Variants in TMEM123 observed in about 807,000 individuals in gnomAD.
The protein encoded by TMEM123 is porimin.
In TMEM123, 16 loss-of-function variants were observed where a neutral mutation model predicts 19.7. The ratio of observed to expected loss-of-function variants is 0.81; its 90% confidence interval spans 0.55 to 1.23. The LOEUF (loss-of-function observed/expected upper bound fraction) is 1.23, where lower values mean the gene tolerates loss of function less well. TMEM123 is among the 50% of genes most tolerant of loss of function. TMEM123 has a pLI of 0.00. For missense variants in TMEM123, 313 were observed against 257.8 expected (o/e 1.21, Z -1.47); for synonymous variants, 118 against 99.4 (o/e 1.19, Z -1.12).
intron 2 of TMEM123, among the ~76,000 whole-genome samples, chr11:102,435,455 T>C (rs936657364): frequency 6.6e-6 from 1 of 151,914 alleles, no homozygotes; most frequent in Non-Finnish European, 1.5e-5. Context: ...GGTGAGGATA[T>C]GAAGAAAATA....
At chr11:102,450,753 C>G (rs1027591307) in intron 1 of TMEM123, among the ~76,000 whole-genome samples, 10 of 152,168 alleles carry the variant, frequency 6.6e-5, no homozygotes, top group African/African-American at 2.2e-4. Flanking sequence ...AAAATGGGGA[C>G]GATACTGTGA....
intron 2 of TMEM123, among the ~76,000 whole-genome samples, chr11:102,439,732 A>T (rs1857804340): frequency 1.3e-5 from 2 of 152,242 alleles, no homozygotes; most frequent in Non-Finnish European, 2.9e-5. Flanking sequence ...GCTTCAGACG[A>T]TCGGTAATAA....
At chr11:102,434,667 T>C (rs572669293) in intron 2 of TMEM123, among the ~76,000 whole-genome samples, 1 of 152,022 alleles carries the variant, frequency 6.6e-6, no homozygotes, top group South Asian at 2.1e-4. Flanking sequence ...CAGACCAATG[T>C]TGTGTAGTTT....
At chr11:102,435,233 A>G (rs940825064) in intron 2 of TMEM123, among the ~76,000 whole-genome samples, 6 of 151,934 alleles carry the variant, frequency 3.9e-5, no homozygotes, top group African/African-American at 1.4e-4. Flanking sequence ...ATCACAAAAA[A>G]TAACAGACAC....
At chr11:102,408,246 G>A (rs538443069) in intron 2 of TMEM123, among the ~76,000 whole-genome samples, 34 of 152,276 alleles carry the variant, frequency 2.2e-4, no homozygotes, top group African/African-American at 7.7e-4. Flanking sequence ...AGTGAAAGAC[G>A]ACAAAGAATG....
intron 2 of TMEM123, among the ~76,000 whole-genome samples, chr11:102,444,671 T>C (rs915329360): frequency 5.3e-5 from 8 of 151,816 alleles, no homozygotes; most frequent in African/African-American, 1.5e-4. Context: ...ACATGTACCA[T>C]AGAACTTAAA....
rs781326307 is a variant in TMEM123, at chr11:102,452,584, G to A, written c.40C>T (p.Leu14=). The A allele has an allele frequency of 6.4e-7, 1 of 1,571,098 alleles. No individual in the cohort carries two copies. The highest frequency in any genetic ancestry group is 1.4e-5 in the African/African-American group (1 of 73,330). The part of the protein sequence containing the change: ...GARGAWAALL[L]GTLQVLALLG... ...AGCGCTAGCACCTGCAGCGTCCCCAGGAGCAGCGCGGCCCAAGCACCTCGC... is the reference window on the plus strand; with the variant it reads ...AGCGCTAGCACCTGCAGCGTCCCCAAGAGCAGCGCGGCCCAAGCACCTCGC... The change falls in exon 1 of 5, where the codon CTG becomes TTG. Residue 14 remains leucine (L), a synonymous_variant. Coordinates refer to ENST00000398136, the MANE Select transcript of TMEM123 (RefSeq NM_052932.3).
At chr11:102,433,701 C>T (rs1857735097) in intron 2 of TMEM123, among the ~76,000 whole-genome samples, 1 of 151,792 alleles carries the variant, frequency 6.6e-6, no homozygotes, top group Non-Finnish European at 1.5e-5. Context: ...CAAATTTCAT[C>T]TTGAATTGTA....
chr11:102,398,805 A>G lies in TMEM123; in HGVS notation c.*62T>C. On this transcript the variant is annotated 3_prime_UTR_variant, in exon 5 of 5. Coordinates refer to ENST00000398136, the MANE Select transcript of TMEM123 (RefSeq NM_052932.3). ...GAGAATATTGTTTTAAACTATTAAT[A>G]AACCAAAATTAATTGATAGGGCAGC... is the stretch of plus-strand genomic sequence containing the variant. 1 of 1,562,500 alleles carries G rather than the reference A, an allele frequency of 6.4e-7. No individual in the cohort carries two copies. The highest frequency in any genetic ancestry group is 8.7e-7 in the Non-Finnish European group (1 of 1,143,406).
chr11:102,445,895 G>A (rs1325169004), intron 2 of TMEM123, among the ~76,000 whole-genome samples: 8 of 152,222 alleles, frequency 5.3e-5, no homozygotes, highest in Non-Finnish European at 8.8e-5. Context: ...ACTAGGCCAA[G>A]GATGAATAAC....
chr11:102,404,718 G>T (rs1215636608), intron 2 of TMEM123, among the ~76,000 whole-genome samples: 1 of 152,020 alleles, frequency 6.6e-6, no homozygotes, highest in East Asian at 1.9e-4. Flanking sequence ...TCCTGCCTCA[G>T]CCTCCTTAGT....
chr11:102,447,190 G>C (rs1055515998), intron 2 of TMEM123, among the ~76,000 whole-genome samples: 26 of 152,324 alleles, frequency 1.7e-4, no homozygotes, highest in African/African-American at 6.0e-4. Flanking sequence ...CCCTGTGCTA[G>C]AAGGGGCATT....
chr11:102,401,976 T>C lies in TMEM123; in HGVS notation c.388A>G (p.Thr130Ala). The change falls in exon 3 of 5, where the codon ACA (threonine) becomes GCA (alanine). Residue 130 changes from threonine to alanine, a missense_variant. Physicochemically the swap from Thr to Ala is moderately conservative, Grantham distance 58. Transcript: ENST00000398136. ...TTGTGGGTTACGGTCATTGTGGATG[T>C]TGATATCTGAGATGTGTTCTGTGAA... ...SVSQNTSQIS[T>A]STMTVTHNSS... is the part of the protein sequence containing the mutation. 1 of 1,614,182 alleles carries C rather than the reference T, an allele frequency of 6.2e-7. No individual in the cohort carries two copies.
chr11:102,414,792 A>G (rs1339738964), intron 2 of TMEM123, among the ~76,000 whole-genome samples: 2 of 152,180 alleles, frequency 1.3e-5, no homozygotes, highest in East Asian at 3.9e-4. Flanking sequence ...TACACAACCA[A>G]GTTTACATAG....
intron 1 of TMEM123, among the ~76,000 whole-genome samples, chr11:102,451,441 A>G (rs1857937764): frequency 6.6e-6 from 1 of 152,246 alleles, no homozygotes; most frequent in Non-Finnish European, 1.5e-5. Context: ...ACAAAGAAAA[A>G]TTGTTAATTC....
chr11:102,413,922 T>C (rs1389405464), intron 2 of TMEM123, among the ~76,000 whole-genome samples: 1 of 152,134 alleles, frequency 6.6e-6, no homozygotes, highest in Admixed American at 6.6e-5. Context: ...AAGATCAAGA[T>C]TCAGGACAAA....
intron 2 of TMEM123, among the ~76,000 whole-genome samples, chr11:102,437,110 G>C (rs891890755): frequency 3.3e-5 from 5 of 152,060 alleles, no homozygotes; most frequent in Non-Finnish European, 7.4e-5. Flanking sequence ...TGTGCACTTC[G>C]TTTTTGGGAT....
chr11:102,407,871 G>A (rs1951969562), intron 2 of TMEM123, among the ~76,000 whole-genome samples: 2 of 152,126 alleles, frequency 1.3e-5, no homozygotes, highest in African/African-American at 2.4e-5. Flanking sequence ...CCCAGTTTCT[G>A]GTACTTTGTT....
chr11:102,442,313 C>T (rs1414697686), intron 2 of TMEM123, among the ~76,000 whole-genome samples: 1 of 152,176 alleles, frequency 6.6e-6, no homozygotes, highest in African/African-American at 2.4e-5. Flanking sequence ...TACTGGCAAA[C>T]CGAATCCAGC....
Sources: gnomAD v4.1 joint callset for allele counts (sites outside exome capture counted in the v4.1 genomes callset) on GRCh38, gnomAD v4.1.1 for gene constraint, MANE v1.5 for transcripts, NCBI Gene and HGNC (gene_info 2026-07-23, HGNC 2026-07-21) for gene names.